The following ST3GAL5 variants were observed in gnomAD, a reference collection of about 807,000 sequenced individuals.
ST3GAL5 encodes the protein lactosylceramide alpha-2,3-sialyltransferase.
In ST3GAL5, 25 loss-of-function variants were observed where a neutral mutation model predicts 46.1. That is an observed-to-expected ratio of 0.54 (90% CI 0.40 to 0.76). The LOEUF (loss-of-function observed/expected upper bound fraction) is 0.76. Among genes scored for constraint, ST3GAL5 ranks in the 30% least tolerant of loss-of-function variants. The pLI, the probability that ST3GAL5 is intolerant of heterozygous loss-of-function variation, is 0.00. For synonymous variants in ST3GAL5, 182 were observed against 192.7 expected (o/e 0.94, Z 0.46); for missense variants, 431 against 521.2 (o/e 0.83, Z 1.69).
rs34410645 is a variant in ST3GAL5, at chr2:85,880,828, GAA to G, written c.82+7994_82+7995del. Reference sequence around the variant, plus strand: ...GACAGACCAAGAATCTGTCTAAAAAGAAAAAAAAAAACTCTCATAATCTCATT... The same window carrying G: ...GACAGACCAAGAATCTGTCTAAAAAGAAAAAAAAACTCTCATAATCTCATT... On this transcript the variant is annotated intron_variant, in intron 1 of 6. Coordinates refer to ENST00000638572, the MANE Select transcript of ST3GAL5 (RefSeq NM_003896.4). The G allele has an allele frequency of 6.6e-5, 30 of 457,216 alleles. No homozygotes were observed. In the Middle Eastern group the frequency reaches 1.4e-3, roughly 21 times the overall value. 28.3% of individuals were successfully genotyped at this position (457,216 alleles called of 1,614,324 possible). A position where few individuals can be genotyped will look rare whatever the true frequency, so the allele number is the denominator to read the frequency against.
intron 1 of ST3GAL5, among the ~76,000 whole-genome samples, chr2:85,871,725 C>T (rs1192035851): frequency 6.6e-6 from 1 of 152,212 alleles, no homozygotes; most frequent in Non-Finnish European, 1.5e-5. Context: ...TGCACCTCCA[C>T]ACCCATACTT....
intron 1 of ST3GAL5, among the ~76,000 whole-genome samples, chr2:85,873,136 G>A (rs1387201399): frequency 2.6e-5 from 4 of 152,110 alleles, no homozygotes; most frequent in African/African-American, 4.8e-5. Context: ...ACTAGAACAC[G>A]GGTGTCCCCT....
intron 3 of ST3GAL5, among the ~76,000 whole-genome samples, chr2:85,860,200 C>T (rs1029715064): frequency 3.3e-5 from 5 of 152,178 alleles, no homozygotes; most frequent in East Asian, 3.8e-4. Flanking sequence ...TCCTGGCACA[C>T]GGGAGCACTA....
chr2:85,861,820 TACAC>T (rs148873510), intron 2 of ST3GAL5, among the ~76,000 whole-genome samples: 23 of 149,644 alleles, frequency 1.5e-4, no homozygotes, highest in Admixed American at 8.6e-4. Flanking sequence ...TATAGTTTAA[TACAC>T]ACACACACAC....
chr2:85,849,983 TAA>T, intron 3 of ST3GAL5: 1 of 152,298 alleles, frequency 6.6e-6, no homozygotes, highest in Middle Eastern at 3.4e-3. Flanking sequence ...GGTATAGGTT[TAA>T]ATGTTCATCC....
chr2:85,849,771 C>CT (rs1683267393), intron 3 of ST3GAL5: 1 of 151,838 alleles, frequency 6.6e-6, no homozygotes, highest in Admixed American at 6.6e-5. Flanking sequence ...TATCTTTGTG[C>CT]TTTTTTATCC....
Position 85,881,011 on chromosome 2 carries a change from C to T in ST3GAL5, c.82+7813G>A, listed in dbSNP as rs1184535739. 24 of 502,068 alleles carry T rather than the reference C, an allele frequency of 4.8e-5. No homozygotes were observed. The East Asian group carries it at 1.1e-3, about 23-fold the overall frequency. 31.1% of individuals were successfully genotyped at this position (502,068 alleles called of 1,614,324 possible). ...TGAATTGTATCTCCCAGAATTCCCA[C>T]GTGTTGTGGGAGGGACCCAGGGGAG... is the stretch of plus-strand genomic sequence containing the variant. On this transcript the variant is annotated intron_variant, in intron 1 of 6. Coordinates refer to ENST00000638572, the MANE Select transcript of ST3GAL5 (RefSeq NM_003896.4).
intron 5 of ST3GAL5, chr2:85,844,871 G>A (rs1487496082): frequency 2.4e-6 from 1 of 412,508 alleles, no homozygotes; most frequent in African/African-American, 2.0e-5. Context: ...CAAGTGAATA[G>A]GTCCAATTTA....
chr2:85,850,763 G>C (rs116540921), intron 3 of ST3GAL5: 2 of 152,206 alleles, frequency 1.3e-5, no homozygotes, highest in Non-Finnish European at 2.9e-5. Flanking sequence ...TGATGGCCAC[G>C]GGACTAGAAA....
intron 4 of ST3GAL5, 32 bp from the exon 5 acceptor site, chr2:85,846,595 A>C: frequency 6.2e-7 from 1 of 1,608,226 alleles, no homozygotes; most frequent in African/African-American, 1.3e-5. Flanking sequence ...AGACACACTG[A>C]CAAAGCAGGC....
intron 1 of ST3GAL5, among the ~76,000 whole-genome samples, chr2:85,883,653 C>T (rs1421601032): frequency 6.6e-6 from 1 of 152,102 alleles, no homozygotes; most frequent in African/African-American, 2.4e-5. Context: ...CTAAAGAACG[C>T]CAAGTGCAGT....
At chr2:85,846,266 A>G (rs1242373885) in intron 5 of ST3GAL5, 111 bp downstream of exon 5, 73 of 962,048 alleles carry the variant, frequency 7.6e-5, no homozygotes, top group Non-Finnish European at 9.9e-5. Context: ...AAGACAACAC[A>G]TAAGTATGCA....
At chr2:85,879,398 T>C (rs999763148) in intron 1 of ST3GAL5, among the ~76,000 whole-genome samples, 1 of 152,152 alleles carries the variant, frequency 6.6e-6, no homozygotes, top group African/African-American at 2.4e-5. Flanking sequence ...ATGTTACTGT[T>C]TCTCAAAATG....
chr2:85,866,996 C>G (rs1380766197), intron 1 of ST3GAL5, among the ~76,000 whole-genome samples: 1 of 152,100 alleles, frequency 6.6e-6, no homozygotes, highest in Non-Finnish European at 1.5e-5. Flanking sequence ...AAGAATAAAG[C>G]ATAAACTCTA....
At chr2:85,887,428 C>T (rs1048209778) in intron 1 of ST3GAL5, 11 of 152,268 alleles carry the variant, frequency 7.2e-5, no homozygotes, top group Admixed American at 3.9e-4. Flanking sequence ...CTCGCCTAGA[C>T]GAAGAAATGC....
chr2:85,888,082 C>T (rs1478307210), intron 1 of ST3GAL5: 1 of 152,124 alleles, frequency 6.6e-6, no homozygotes, highest in Non-Finnish European at 1.5e-5. Flanking sequence ...TGGAAGGGAC[C>T]TCGGCCATCG....
At chr2:85,881,524 T>TGAGGATCTCCATCTC (rs1285333982) in intron 1 of ST3GAL5, among the ~76,000 whole-genome samples, 1 of 152,164 alleles carries the variant, frequency 6.6e-6, no homozygotes, top group African/African-American at 2.4e-5. Context: ...GTTGAGGTGG[T>TGAGGATCTCCATCTC]CTCAGATGGA....
chr2:85,840,448 AT>A, intron 6 of ST3GAL5, 56 bp from the exon 7 acceptor site: 1 of 1,596,138 alleles, frequency 6.3e-7, no homozygotes, highest in Admixed American at 1.7e-5. Flanking sequence ...ACAAGTCACC[AT>A]TTTGCTGGTA....
At chr2:85,878,737 T>C (rs1686845195) in intron 1 of ST3GAL5, among the ~76,000 whole-genome samples, 2 of 152,076 alleles carry the variant, frequency 1.3e-5, no homozygotes, top group Non-Finnish European at 2.9e-5. Context: ...ATAATCCAGC[T>C]AGGAAAACTG....
Sources: gnomAD v4.1 joint callset for allele counts (sites outside exome capture counted in the v4.1 genomes callset) on GRCh38, gnomAD v4.1.1 for gene constraint, MANE v1.5 for transcripts, NCBI Gene and HGNC (gene_info 2026-07-23, HGNC 2026-07-21) for gene names.